Variants in R3HDM2 observed in about 807,000 individuals in gnomAD.
R3HDM2 encodes R3H domain containing 2.
R3HDM2 carries 38 observed loss-of-function variants against 124.5 expected under a neutral mutation model. The ratio of observed to expected loss-of-function variants is 0.31; its 90% confidence interval spans 0.24 to 0.40. The LOEUF is 0.40. Among genes scored for constraint, R3HDM2 ranks in the 10% least tolerant of loss-of-function variants. The probability of loss-of-function intolerance (pLI) is 1.00; values close to 1 mark genes in which losing one functional copy is unlikely to be tolerated. For synonymous variants in R3HDM2, 391 were observed against 448.0 expected, an observed-to-expected ratio of 0.87 and a Z score of 1.61; for missense variants, 869 against 1,236.9, an observed-to-expected ratio of 0.70 and a Z score of 4.46.
At chr12:57,286,993 G>A (rs533139764) in intron 12 of R3HDM2, among the ~76,000 whole-genome samples, 1 of 152,282 alleles carries the variant, frequency 6.6e-6, no homozygotes, top group Non-Finnish European at 1.5e-5. Context: ...CCTAATAAGA[G>A]CATCATTCTA....
rs2038529369 is a variant in R3HDM2, at chr12:57,255,109, C to T, written c.2637G>A (p.Leu879=). ...GATCTGTCACCTCCAGCACCCGCCC[C>T]AGGACTGGAAGGGGAGGAGAGAGGA... The part of the protein sequence containing the change: ...STDLGTADVV[L]GRVLEVTDLP... The change falls in exon 24 of 24, where the codon CTG becomes CTA. Residue 879 remains leucine (L), a synonymous_variant. Transcript: ENST00000402412. 6.3e-7 allele frequency: 1 copy of T among 1,581,254 alleles called. No individual in the cohort carries two copies. Among genetic ancestry groups the T allele is most frequent in the Non-Finnish European group, 8.6e-7 (1 of 1,162,268 alleles).
chr12:57,341,539 A>G (rs540840637), intron 2 of R3HDM2: 142 of 383,906 alleles, frequency 3.7e-4, no homozygotes, highest in Admixed American at 5.1e-4. Flanking sequence ...CAAGCCAATT[A>G]TAAGAAAAAG....
chr12:57,430,489 G>GCCCCCCCCCCCCCCCC, intron 1 of R3HDM2: 3 of 790,572 alleles, frequency 3.8e-6, no homozygotes, highest in Non-Finnish European at 4.6e-6. Context: ...CCACCCCCCT[G>GCCCCCCCCCCCCCCCC]CCCCCGCACC....
At chr12:57,277,672 T>C (rs1419708922) in intron 14 of R3HDM2, among the ~76,000 whole-genome samples, 3 of 152,180 alleles carry the variant, frequency 2.0e-5, no homozygotes, top group East Asian at 3.8e-4. Flanking sequence ...GGTCTCAAAC[T>C]TCTGGCTTCA....
At chr12:57,313,469 C>T (rs552441587) in intron 2 of R3HDM2, among the ~76,000 whole-genome samples, 16 of 151,400 alleles carry the variant, frequency 1.1e-4, no homozygotes, top group African/African-American at 3.6e-4. Context: ...GAGGCTGAGG[C>T]GGGAGGATCA....
intron 2 of R3HDM2, among the ~76,000 whole-genome samples, chr12:57,343,701 G>C (rs2059814693): frequency 6.7e-6 from 1 of 149,914 alleles, no homozygotes; most frequent in African/African-American, 2.5e-5. Flanking sequence ...TTATTACTAT[G>C]GACAGGAACT....
chr12:57,405,222 G>A (rs534171555), intron 1 of R3HDM2, among the ~76,000 whole-genome samples: 32 of 152,150 alleles, frequency 2.1e-4, no homozygotes, highest in African/African-American at 6.0e-4. Flanking sequence ...GTAGAAATGC[G>A]GGTCTCACTG....
At chr12:57,403,344 T>C (rs2139067183) in intron 1 of R3HDM2, among the ~76,000 whole-genome samples, 1 of 151,296 alleles carries the variant, frequency 6.6e-6, no homozygotes, top group Non-Finnish European at 1.5e-5. Context: ...ATACAAAAAT[T>C]AGCTGGGCGT....
At chr12:57,317,180 C>T (rs916894146) in intron 2 of R3HDM2, among the ~76,000 whole-genome samples, 2 of 133,062 alleles carry the variant, frequency 1.5e-5, no homozygotes, top group African/African-American at 5.2e-5. Flanking sequence ...CTTGCCCAGG[C>T]TTTTTGTGTT....
intron 2 of R3HDM2, among the ~76,000 whole-genome samples, chr12:57,350,457 A>G (rs1337904870): frequency 6.6e-6 from 1 of 152,126 alleles, no homozygotes; most frequent in Admixed American, 6.6e-5. Flanking sequence ...AACTTCTCCC[A>G]TATCTGGATG....
At chr12:57,426,889 GAA>G (rs1371133748) in intron 1 of R3HDM2, among the ~76,000 whole-genome samples, 7 of 152,158 alleles carry the variant, frequency 4.6e-5, no homozygotes, top group Non-Finnish European at 1.0e-4. Flanking sequence ...AAAATTCATG[GAA>G]AGAGTTCAAG....
chr12:57,365,618 G>A (rs2062547752), intron 2 of R3HDM2, among the ~76,000 whole-genome samples: 1 of 152,134 alleles, frequency 6.6e-6, no homozygotes, highest in Non-Finnish European at 1.5e-5. Context: ...AACTACCAAA[G>A]AATATCATAA....
intron 3 of R3HDM2, among the ~76,000 whole-genome samples, chr12:57,308,639 T>C (rs766516421): frequency 4.6e-5 from 7 of 152,014 alleles, no homozygotes; most frequent in Non-Finnish European, 8.8e-5. Context: ...TGGGCCAAGA[T>C]TGTGCCATCG....
intron 19 of R3HDM2, among the ~76,000 whole-genome samples, chr12:57,261,127 A>G (rs1197701817): frequency 6.6e-6 from 1 of 152,090 alleles, no homozygotes; most frequent in African/African-American, 2.4e-5. Context: ...CTCTCCCCTT[A>G]CTGTAGTTTT....
rs2050792170 is a variant in R3HDM2 at position 57,300,118 on chromosome 12, C to T, written c.271G>A (p.Ala91Thr). 12 of 1,551,548 alleles carry T rather than the reference C, an allele frequency of 7.7e-6. No homozygotes were observed. Among genetic ancestry groups the T allele is most frequent in the Middle Eastern group, 1.7e-4 (1 of 6,014 alleles). ...AVCEESSTPF[A>T]DGPLETQDII... ...ACCTGGGTTTCTAATGGCCCATCAG[C>T]AAATGGGGTGGAGGACTCCTCACAC... The change falls in exon 5 of 24, where the codon GCT (alanine) becomes ACT (threonine). Residue 91 changes from alanine to threonine, a missense_variant. Physicochemically the swap from Ala to Thr is moderately conservative, Grantham distance 58. Transcript: ENST00000402412.
At chr12:57,346,887 A>T (rs184775692) in intron 2 of R3HDM2, among the ~76,000 whole-genome samples, 1 of 152,272 alleles carries the variant, frequency 6.6e-6, no homozygotes, top group Non-Finnish European at 1.5e-5. Context: ...TACGAAAGAA[A>T]CCTATATGGT....
chr12:57,370,047 G>GTAA (rs1393672242), intron 2 of R3HDM2, among the ~76,000 whole-genome samples: 1 of 152,162 alleles, frequency 6.6e-6, no homozygotes, highest in Non-Finnish European at 1.5e-5. Flanking sequence ...TTTTCAAGGA[G>GTAA]TAATAGCAAA....
intron 1 of R3HDM2, among the ~76,000 whole-genome samples, chr12:57,407,786 A>G (rs1250609394): frequency 3.3e-5 from 5 of 152,020 alleles, no homozygotes; most frequent in Non-Finnish European, 7.4e-5. Flanking sequence ...TTTGTAGAGA[A>G]AAGGGTCTCG....
rs566125447 is a variant in R3HDM2 at position 57,312,756 on chromosome 12, C to T, written c.-35-2293G>A. 2.6e-4 allele frequency among the ~76,000 whole-genome samples: 39 copies of T among 151,734 alleles called. 1 individual carries two copies. Among genetic ancestry groups the T allele is most frequent in the Admixed American group, 1.2e-3 (19 of 15,238 alleles). ...CGTGGTGGTAAGCCATTGCATCCAG[C>T]CTTAAATTCTTTCCTTTATCTTAAG... On this transcript the variant is annotated intron_variant, in intron 2 of 23. Transcript: ENST00000402412.
Sources: allele counts gnomAD v4.1 joint callset (sites outside exome capture counted in the v4.1 genomes callset), GRCh38; gene constraint gnomAD v4.1.1; transcripts MANE v1.5; gene names NCBI Gene and HGNC (gene_info 2026-07-23, HGNC 2026-07-21).